The following ABCB5 variants were observed in gnomAD, a reference collection of about 807,000 sequenced individuals.
ABCB5 encodes ATP binding cassette subfamily B member 5.
Under a neutral mutation model 144.2 loss-of-function variants are expected in ABCB5, and 155 were observed. The ratio of observed to expected loss-of-function variants is 1.08; its 90% CI spans 0.94 to 1.23. The LOEUF (loss-of-function observed/expected upper bound fraction) is 1.23. Ranked by LOEUF, ABCB5 falls within the 50% of genes most tolerant of loss-of-function variation. The probability of loss-of-function intolerance (pLI) is 0.00; values close to 1 mark genes in which losing one functional copy is unlikely to be tolerated. For missense variants in ABCB5, 1,830 were observed against 1,520.8 expected (o/e 1.20, Z -3.38); for synonymous variants, 610 against 528.6 (o/e 1.15, Z -2.11).
intron 26 of ABCB5, among the ~76,000 whole-genome samples, chr7:20,748,272 G>C (rs2128056828): frequency 6.6e-6 from 1 of 152,276 alleles, no homozygotes; most frequent in South Asian, 2.1e-4. Context: ...GTGACACTTA[G>C]AAACATGTTA....
In ABCB5 at chr7:20,646,123, C is replaced by T. The variant is rs923613944; in HGVS notation, c.966C>T (p.Ile322=). 2.8e-5 allele frequency: 45 copies of T among 1,612,516 alleles called. No individual in the cohort carries two copies. The highest frequency in any genetic ancestry group is 6.7e-5 in the East Asian group (3 of 44,860). The change falls in exon 9 of 28, where the codon ATC becomes ATT. Residue 322 remains isoleucine (I), a synonymous_variant. Transcript: ENST00000404938. ...TTAATGGAGAACCTGGATATACCAT[C>T]GGGACTGTTCTTGCTGTAAGTCTTG... ...LILNGEPGYT[I]GTVLAVFFSV...
chr7:20,678,889 C>T (rs1785695041), intron 14 of ABCB5, among the ~76,000 whole-genome samples: 2 of 152,146 alleles, frequency 1.3e-5, no homozygotes, highest in African/African-American at 4.8e-5. Flanking sequence ...TGATGGTCTT[C>T]AAAATACGCT....
chr7:20,732,594 G>A (rs1583458547), intron 23 of ABCB5, among the ~76,000 whole-genome samples: 1 of 152,192 alleles, frequency 6.6e-6, no homozygotes, highest in Non-Finnish European at 1.5e-5. Context: ...GTCATTTCTG[G>A]AAATGTGCCT....
At chr7:20,740,165 G>A (rs574261933) in intron 24 of ABCB5, among the ~76,000 whole-genome samples, 40 of 152,246 alleles carry the variant, frequency 2.6e-4, no homozygotes, top group African/African-American at 7.0e-4. Flanking sequence ...GCTTGAACCC[G>A]GGAGGCGGAG....
intron 1 of ABCB5, among the ~76,000 whole-genome samples, chr7:20,616,470 T>A (rs1783687549): frequency 6.6e-6 from 1 of 152,266 alleles, no homozygotes; most frequent in East Asian, 1.9e-4. Flanking sequence ...ATGGGTATTT[T>A]GTCCTATGAT....
At chr7:20,677,449 T>C (rs1261454207) in intron 14 of ABCB5, among the ~76,000 whole-genome samples, 8 of 152,048 alleles carry the variant, frequency 5.3e-5, no homozygotes. Flanking sequence ...TGTTTAACCA[T>C]CAAAAAATAC....
In ABCB5 at chr7:20,626,621, A is replaced by G. The variant is rs1783915438; in HGVS notation, c.108+10A>G. The G allele has an allele frequency of 6.3e-7, 1 of 1,598,472 alleles. No homozygotes were observed. Among genetic ancestry groups the G allele is most frequent in the Non-Finnish European group, 8.5e-7 (1 of 1,172,290 alleles). ...TGGATCTATTGAGATAGTAAGTGAA[A>G]TCAGTTAGAAAGTACATGCATTAGA... On this transcript the variant is annotated intron_variant, in intron 3 of 27. Transcript: ENST00000404938.
intron 24 of ABCB5, among the ~76,000 whole-genome samples, chr7:20,740,843 A>C (rs899265229): frequency 6.6e-6 from 1 of 152,140 alleles, no homozygotes; most frequent in Non-Finnish European, 1.5e-5. Flanking sequence ...GTGGTGGCTT[A>C]CACCTGTAAT....
Position 20,724,518 on chromosome 7 carries a change from A to T in ABCB5, c.2625+1299A>T, listed in dbSNP as rs538303898. 1.4e-3 allele frequency among the ~76,000 whole-genome samples: 216 copies of T among 150,280 alleles called. 1 individual carries two copies. Among genetic ancestry groups the T allele is most frequent in the African/African-American group, 5.2e-3 (212 of 40,976 alleles). Reference sequence around the variant, plus strand: ...GTGGTGCGTGCCTGTAATCCCAGTTACTTGGGAGGCTGAGGCAGGAGAATC... The same window carrying T: ...GTGGTGCGTGCCTGTAATCCCAGTTTCTTGGGAGGCTGAGGCAGGAGAATC... On this transcript the variant is annotated intron_variant, in intron 21 of 27. Coordinates refer to ENST00000404938, the MANE Select transcript of ABCB5 (RefSeq NM_001163941.2).
At chr7:20,646,165 C>A in intron 9 of ABCB5, 27 bp downstream of exon 9, 2 of 1,596,764 alleles carry the variant, frequency 1.3e-6, no homozygotes, top group South Asian at 2.3e-5. Flanking sequence ...AACAAGGTGT[C>A]AGGCCTGGAT....
At chr7:20,687,959 A>T (rs919574931) in intron 16 of ABCB5, among the ~76,000 whole-genome samples, 1 of 152,216 alleles carries the variant, frequency 6.6e-6, no homozygotes, top group South Asian at 2.1e-4. Flanking sequence ...TGGGAGGCTG[A>T]GGTGGGTAGA....
rs547147531 is a variant in ABCB5, at chr7:20,683,576, CAATGTATAAAAAGCAA to C, written c.1869+1913_1869+1928del. Among the ~76,000 whole-genome samples the C allele has an allele frequency of 2.7e-3, 407 of 152,120 alleles. 4 individuals are homozygous for C. The highest frequency in any genetic ancestry group is 9.3e-3 in the African/African-American group (387 of 41,496). Reference sequence around the variant, plus strand: ...ATAGGTCTTAAGTTAAATGCTTTCACAATGTATAAAAAGCAAAAATGGTGTGTTTGTGGGATGAGTG... The same window carrying C: ...ATAGGTCTTAAGTTAAATGCTTTCACAAATGGTGTGTTTGTGGGATGAGTG... On this transcript the variant is annotated intron_variant, in intron 15 of 27. Transcript: ENST00000404938.
intron 25 of ABCB5, among the ~76,000 whole-genome samples, 184 bp downstream of exon 25, chr7:20,743,258 G>C (rs117971876): frequency 0.018 from 2,748 of 152,252 alleles, 66 homozygotes; most frequent in African/African-American, 0.052. Flanking sequence ...ATGATGGTTA[G>C]GACTCTGAAG....
Position 20,651,289 on chromosome 7 carries a change from T to C in ABCB5, c.1333-131T>C, listed in dbSNP as rs1784575189. 3 of 812,834 alleles carry C rather than the reference T, an allele frequency of 3.7e-6. No homozygotes were observed. The East Asian group carries it at 8.0e-5, about 22-fold the overall frequency. The allele number at this position is 812,834 out of a possible 1,614,324, so 50.4% of individuals were successfully genotyped here. A position where few individuals can be genotyped will look rare whatever the true frequency, so the allele number is the denominator to read the frequency against. ...GACAATATATATGTTAGAAATATTT[T>C]ATCAAAATATAGTCAGTCTTTGATT... On this transcript the variant is annotated intron_variant, in intron 12 of 27. Coordinates refer to ENST00000404938, the MANE Select transcript of ABCB5 (RefSeq NM_001163941.2).
intron 14 of ABCB5, chr7:20,659,087 T>G (rs777690251): frequency 6.2e-7 from 1 of 1,614,054 alleles, no homozygotes; most frequent in Non-Finnish European, 8.5e-7. Context: ...GTATTCATTT[T>G]GACCTAATTT....
intron 7 of ABCB5, among the ~76,000 whole-genome samples, chr7:20,644,695 T>G (rs1784365418): frequency 6.6e-6 from 1 of 152,250 alleles, no homozygotes; most frequent in Non-Finnish European, 1.5e-5. Context: ...GCTTTAAATT[T>G]GGCAACACTA....
chr7:20,641,352 AACACAC>A (rs111933366), intron 5 of ABCB5, among the ~76,000 whole-genome samples: 4 of 108,430 alleles, frequency 3.7e-5, no homozygotes, highest in African/African-American at 1.1e-4. Context: ...ATTATTGCAA[AACACAC>A]ACACACACAC....
At chr7:20,718,800 T>C (rs12700235) in intron 20 of ABCB5, among the ~76,000 whole-genome samples, 9,017 of 152,196 alleles carry the variant, frequency 0.059, 293 homozygotes, top group Middle Eastern at 0.12. Context: ...TTATTTTGAC[T>C]CAAATTATCC....
At chr7:20,737,895 C>T (rs956957525) in intron 23 of ABCB5, among the ~76,000 whole-genome samples, 2 of 152,184 alleles carry the variant, frequency 1.3e-5, no homozygotes, top group African/African-American at 4.8e-5. Context: ...CTTGACATCA[C>T]TGAACTAAAT....
Sources: gnomAD v4.1 joint callset for allele counts (sites outside exome capture counted in the v4.1 genomes callset) on GRCh38, gnomAD v4.1.1 for gene constraint, MANE v1.5 for transcripts, NCBI Gene and HGNC (gene_info 2026-07-23, HGNC 2026-07-21) for gene names.